Variants in ODF2 observed in about 807,000 individuals in gnomAD.
The protein encoded by ODF2 is outer dense fiber of sperm tails 2, also known as outer dense fiber protein 2.
A neutral mutation model predicts 110.2 loss-of-function variants in ODF2; 47 were observed. That is an observed-to-expected ratio of 0.43 (90% CI 0.34 to 0.54). The LOEUF (loss-of-function observed/expected upper bound fraction) is 0.54. Ranked by LOEUF, ODF2 falls within the 20% of genes least tolerant of loss-of-function variation. The pLI is 0.03. For synonymous variants in ODF2, 352 were observed against 397.7 expected (o/e 0.89, Z 1.37); for missense variants, 812 against 1,054.5 (o/e 0.77, Z 3.19).
chr9:128,457,797 G>T (rs193000327), intron 2 of ODF2, among the ~76,000 whole-genome samples: 1 of 151,974 alleles, frequency 6.6e-6, no homozygotes, highest in Non-Finnish European at 1.5e-5. Context: ...GAATCCAGGT[G>T]GTTTGACAAG....
At chr9:128,475,539 C>A (rs917963480) in intron 8 of ODF2, among the ~76,000 whole-genome samples, 1 of 152,144 alleles carries the variant, frequency 6.6e-6, no homozygotes, top group Non-Finnish European at 1.5e-5. Context: ...CCATGTTGAA[C>A]AATTTCTCCT....
intron 8 of ODF2, among the ~76,000 whole-genome samples, chr9:128,476,068 G>T (rs1487545865): frequency 7.4e-6 from 1 of 134,350 alleles, no homozygotes; most frequent in Non-Finnish European, 1.7e-5. Context: ...CTTTTTGAAG[G>T]CTCAGTAGTA....
intron 3 of ODF2, 110 bp from the exon 4 acceptor site, chr9:128,460,832 C>T: frequency 6.5e-7 from 1 of 1,526,904 alleles, no homozygotes; most frequent in African/African-American, 1.4e-5. Context: ...GGAGCAACAG[C>T]AGTAACATTA....
chr9:128,480,906 C>T (rs569838112), intron 8 of ODF2, among the ~76,000 whole-genome samples: 1 of 152,232 alleles, frequency 6.6e-6, no homozygotes, highest in South Asian at 2.1e-4. Context: ...CTTTCCCCTT[C>T]CCCCAGAGAC....
At chr9:128,457,930 T>TAA (rs1835334019) in intron 2 of ODF2, among the ~76,000 whole-genome samples, 1 of 63,162 alleles carries the variant, frequency 1.6e-5, no homozygotes, top group Non-Finnish European at 3.3e-5. Flanking sequence ...TAGAGGTCTA[T>TAA]ATATATATAT....
chr9:128,490,771 C>T (rs1220151705), intron 14 of ODF2, among the ~76,000 whole-genome samples: 1 of 152,098 alleles, frequency 6.6e-6, no homozygotes, highest in Non-Finnish European at 1.5e-5. Context: ...ACTTGCTTTT[C>T]TGATTTAACT....
chr9:128,477,745 A>T (rs1841603498), intron 8 of ODF2, among the ~76,000 whole-genome samples: 1 of 151,582 alleles, frequency 6.6e-6, no homozygotes, highest in Non-Finnish European at 1.5e-5. Context: ...AGCTGGGATT[A>T]CAGGTGCCAC....
rs1243485446 is a variant in ODF2 at position 128,456,264 on chromosome 9, C to T, written c.-209+9C>T. On this transcript the variant is annotated intron_variant, in intron 1 of 20. Coordinates refer to ENST00000604420, the Ensembl canonical transcript of ODF2. ...CAGCCGTGTCGCTCCTGGTGAGAGG[C>T]CGCCGGCAGGCGGGATCCAGCGCCC... 48 of 1,531,526 alleles carry T rather than the reference C, an allele frequency of 3.1e-5. No homozygotes were observed. The highest frequency in any genetic ancestry group is 4.2e-5 in the Admixed American group (2 of 47,808). 94.9% of individuals were successfully genotyped at this position (1,531,526 alleles called of 1,614,324 possible).
At chr9:128,456,662 T>C in intron 1 of ODF2, 1 of 1,465,332 alleles carries the variant, frequency 6.8e-7, no homozygotes, top group Non-Finnish European at 9.0e-7. Flanking sequence ...CGCCTCGTCC[T>C]CTCCTCGGGC....
downstream of ODF2, chr9:128,500,620 A>G (rs1167320403): frequency 1.5e-5 from 2 of 135,714 alleles, no homozygotes; most frequent in African/African-American, 5.2e-5. Flanking sequence ...TTGTTTTAGG[A>G]ATCTCTCTCA....
chr9:128,465,203 A>T (rs1226150223), intron 4 of ODF2, among the ~76,000 whole-genome samples: 1 of 152,104 alleles, frequency 6.6e-6, no homozygotes, highest in East Asian at 1.9e-4. Flanking sequence ...TTCTGCTTTC[A>T]TTCTTGTGTC....
At chr9:128,477,200 T>A (rs1841467150) in intron 8 of ODF2, among the ~76,000 whole-genome samples, 1 of 144,312 alleles carries the variant, frequency 6.9e-6, no homozygotes, top group Non-Finnish European at 1.5e-5. Flanking sequence ...ACCACTATAC[T>A]CCAGCCTGGG....
chr9:128,480,667 A>G (rs952516007), intron 8 of ODF2, among the ~76,000 whole-genome samples: 1 of 152,028 alleles, frequency 6.6e-6, no homozygotes, highest in Admixed American at 6.6e-5. Flanking sequence ...AAATACAAAA[A>G]TTAGCCGGGC....
In ODF2 at chr9:128,471,297, C is replaced by A. The variant is rs1388088979; in HGVS notation, c.421-11C>A. ...CCCTTCAGTGGCCCCTGCCTGGGTC[C>A]CCCTGCTCAGGTCAAGATGCAAAAA... On this transcript the variant is annotated splice_polypyrimidine_tract_variant and intron_variant, in intron 5 of 20. Coordinates refer to ENST00000604420, the Ensembl canonical transcript of ODF2. 2 of 1,602,038 alleles carry A rather than the reference C, an allele frequency of 1.2e-6. No individual in the cohort carries two copies. The highest frequency in any genetic ancestry group is 1.7e-6 in the Non-Finnish European group (2 of 1,175,462).
chr9:128,471,295 T>C lies in ODF2; in HGVS notation c.421-13T>C, dbSNP rs772760974. 1 of 1,589,974 alleles carries C rather than the reference T, an allele frequency of 6.3e-7. No individual in the cohort carries two copies. The highest frequency in any genetic ancestry group is 2.3e-5 in the East Asian group (1 of 43,576). ...CTCCCTTCAGTGGCCCCTGCCTGGGTCCCCCTGCTCAGGTCAAGATGCAAA... is the reference window on the plus strand; with the variant it reads ...CTCCCTTCAGTGGCCCCTGCCTGGGCCCCCCTGCTCAGGTCAAGATGCAAA... On this transcript the variant is annotated splice_polypyrimidine_tract_variant and intron_variant, in intron 5 of 20. Transcript: ENST00000604420.
In ODF2 at chr9:128,457,359, G is replaced by A. The variant is rs374565258; in HGVS notation, c.-47G>A. 25 of 1,612,164 alleles carry A rather than the reference G, an allele frequency of 1.6e-5. No individual in the cohort carries two copies. The African/African-American group carries it at 3.3e-4, about 22-fold the overall frequency. ...CTGCCCCTCTGGGTCCCCCTGAGCA[G>A]AGCCTGCTGACCCAATTGCCCACCT... On this transcript the variant is annotated 5_prime_UTR_variant, in exon 2 of 21. Transcript: ENST00000604420.
chr9:128,494,906 T>C lies in ODF2; in HGVS notation c.1911+238T>C. 2 of 1,357,856 alleles carry C rather than the reference T, an allele frequency of 1.5e-6. No homozygotes were observed. Among genetic ancestry groups the C allele is most frequent in the African/African-American group, 2.9e-5 (2 of 68,556 alleles). 84.1% of individuals were successfully genotyped at this position (1,357,856 alleles called of 1,614,324 possible). A position where few individuals can be genotyped will look rare whatever the true frequency, so the allele number is the denominator to read the frequency against. Reference sequence around the variant, plus strand: ...CTTGCGTGGAGTCACTGGGCCCTCCTGCTGTTGCCCCCACCCAAGACTGCT... The same window carrying C: ...CTTGCGTGGAGTCACTGGGCCCTCCCGCTGTTGCCCCCACCCAAGACTGCT... On this transcript the variant is annotated intron_variant, in intron 17 of 20. Transcript: ENST00000604420. The surrounding 1 kb of genome is among the most constrained non-coding windows in gnomAD (Gnocchi z 4.6).
chr9:128,469,491 G>A, intron 5 of ODF2, 138 bp downstream of exon 5: 1 of 830,762 alleles, frequency 1.2e-6, no homozygotes, highest in Non-Finnish European at 2.0e-6. Context: ...GGCTTCAGTT[G>A]CCTGCCCCGG....
chr9:128,470,527 G>A (rs1009472630), intron 5 of ODF2, among the ~76,000 whole-genome samples: 1 of 151,808 alleles, frequency 6.6e-6, no homozygotes, highest in Non-Finnish European at 1.5e-5. Context: ...GGAGGCTGAG[G>A]CAGAAGAATC....
Sources: allele counts gnomAD v4.1 joint callset (sites outside exome capture counted in the v4.1 genomes callset), GRCh38; gene constraint gnomAD v4.1.1; non-coding constraint Gnocchi (gnomAD v3.1); transcripts MANE v1.5; gene names NCBI Gene and HGNC (gene_info 2026-07-23, HGNC 2026-07-21).